The following CD207 variants were observed in gnomAD, a reference collection of about 807,000 sequenced individuals.
CD207 encodes the protein CD207 molecule.
Under a neutral mutation model 31.6 loss-of-function variants are expected in CD207, and 28 were observed. The observed-to-expected ratio is 0.89, with a 90% CI of 0.66 to 1.21. The LOEUF is 1.21. Ranked by LOEUF, CD207 falls within the 50% of genes most tolerant of loss-of-function variation. The probability of loss-of-function intolerance (pLI) is 0.00; values close to 1 mark genes in which losing one functional copy is unlikely to be tolerated. For synonymous variants in CD207, 168 were observed against 153.9 expected, an observed-to-expected ratio of 1.09 and a Z score of -0.68; for missense variants, 388 against 397.8, an observed-to-expected ratio of 0.98 and a Z score of 0.21.
At chr2:70,833,566 G>C in intron 3 of CD207, 80 bp downstream of exon 3, 1 of 1,439,878 alleles carries the variant, frequency 6.9e-7, no homozygotes, top group Non-Finnish European at 9.2e-7. Flanking sequence ...CAACCCACCA[G>C]CCCAATGGCC....
chr2:70,834,322 T>A (rs1301396930), intron 2 of CD207, among the ~76,000 whole-genome samples: 1 of 151,914 alleles, frequency 6.6e-6, no homozygotes, highest in Non-Finnish European at 1.5e-5. Context: ...ATTCCTGAAT[T>A]TTCTGAGTGT....
In CD207 at chr2:70,833,868, T is replaced by G. The variant is rs1553400373; in HGVS notation, c.343A>C (p.Ser115Arg). 1.9e-6 allele frequency: 3 copies of G among 1,613,468 alleles called. No individual in the cohort carries two copies. In the Admixed American group the frequency reaches 5.0e-5, roughly 27 times the overall value. Residue 115 changes from serine to arginine, a missense_variant, in exon 3 of 6, where the codon AGC (serine) becomes CGC (arginine). Physicochemically the swap from Ser to Arg is moderately radical, Grantham distance 110 (BLOSUM62 -1). Transcript: ENST00000410009. The stretch of plus-strand genomic sequence containing the variant: ...AACTGAGAACGCACATAACCCAGGC[T>G]CTCATTCACCATCTGGATCTGAACG... Reference protein sequence around the residue: ...AGVQIQMVNESLGYVRSQFLK... With the variant: ...AGVQIQMVNERLGYVRSQFLK...
chr2:70,827,632 G>A (rs1553399048), downstream of CD207, among the ~76,000 whole-genome samples: 2 of 150,746 alleles, frequency 1.3e-5, no homozygotes, highest in South Asian at 2.1e-4. Flanking sequence ...AACTACACAC[G>A]TGTGTGCGCG....
chr2:70,835,320 C>T (rs942302072), intron 2 of CD207, among the ~76,000 whole-genome samples, 171 bp downstream of exon 2: 3 of 152,020 alleles, frequency 2.0e-5, no homozygotes, highest in Non-Finnish European at 2.9e-5. Context: ...ATCAGCTCAC[C>T]GTACTGGGGG....
downstream of CD207, among the ~76,000 whole-genome samples, chr2:70,829,950 T>G (rs1544651): frequency 0.7 from 106,538 of 152,042 alleles, 37,422 homozygotes; most frequent in Middle Eastern, 0.76. Flanking sequence ...AATTGAGCTA[T>G]AGACTAGAAG....
chr2:70,832,789 A>C (rs1677506444), intron 4 of CD207, 111 bp downstream of exon 4: 16 of 1,084,110 alleles, frequency 1.5e-5, no homozygotes, highest in African/African-American at 3.2e-5. Flanking sequence ...ATCCTTCTTC[A>C]TTAGGTCATC....
At chr2:70,834,991 C>A (rs1303145853) in intron 2 of CD207, among the ~76,000 whole-genome samples, 1 of 152,212 alleles carries the variant, frequency 6.6e-6, no homozygotes, top group East Asian at 1.9e-4. Flanking sequence ...GAAGACAGCA[C>A]CAACGAGTCC....
intron 5 of CD207, 132 bp from the exon 6 acceptor site, chr2:70,831,332 G>A (rs1314604290): frequency 1.1e-6 from 1 of 893,448 alleles, no homozygotes; most frequent in East Asian, 2.6e-5. Flanking sequence ...CTGCACCCAA[G>A]CCTCAGAGGA....
chr2:70,832,797 A>G (rs1049152149), intron 4 of CD207, 103 bp downstream of exon 4: 2 of 1,145,192 alleles, frequency 1.7e-6, no homozygotes, highest in East Asian at 4.8e-5. Flanking sequence ...TCATTAGGTC[A>G]TCAATATTTG....
In CD207 at chr2:70,835,526, A is replaced by G; in HGVS notation, c.155T>C (p.Val52Ala). ...CTGCAGCAGGACGGAGGCGACCAGG[A>G]CCAGCGTCAGGCAGATTAATGCAGC... ...VRAALICLTL[V>A]LVASVLLQAV... is the part of the protein sequence containing the mutation. Residue 52 changes from valine (V) to alanine (A), a missense_variant, in exon 2 of 6, where the codon GTC becomes GCC. Physicochemically the swap from Val to Ala is moderately conservative, Grantham distance 64. Coordinates refer to ENST00000410009, the MANE Select transcript of CD207 (RefSeq NM_015717.5). The G allele has an allele frequency of 1.2e-6, 2 of 1,613,870 alleles. No homozygotes were observed. Among genetic ancestry groups the G allele is most frequent in the Non-Finnish European group, 1.7e-6 (2 of 1,179,862 alleles).
chr2:70,834,053 G>A (rs1429589175), intron 2 of CD207, 33 bp from the exon 3 acceptor site: 11 of 1,487,162 alleles, frequency 7.4e-6, no homozygotes, highest in Non-Finnish European at 8.9e-6. Context: ...GTCAGCTGAG[G>A]GGAGTCCCAG....
chr2:70,833,128 G>GA (rs1272450401), intron 3 of CD207, 77 bp from the exon 4 acceptor site: 13 of 1,401,172 alleles, frequency 9.3e-6, no homozygotes, highest in Non-Finnish European at 1.3e-5. Context: ...GCACTTGAAT[G>GA]AGGTCTCAGA....
the CD207 span, among the ~76,000 whole-genome samples, chr2:70,824,633 A>AAAAAAAAAAC: frequency 6.7e-6 from 1 of 149,552 alleles, no homozygotes; most frequent in Non-Finnish European, 1.5e-5. Flanking sequence ...AAAAAAAAAA[A>AAAAAAAAAAC]AAAAAAAAAA....
chr2:70,833,854 C>T lies in CD207; in HGVS notation c.357G>A (p.Val119=). The T allele has an allele frequency of 6.2e-7, 1 of 1,613,934 alleles. No homozygotes were observed. The change falls in exon 3 of 6, where the codon GTG becomes GTA. Residue 119 remains valine (V), a synonymous_variant. Transcript: ENST00000410009. ...TTTTTAACTTCAGGAACTGAGAACGCACATAACCCAGGCTCTCATTCACCA... is the reference window on the plus strand; with the variant it reads ...TTTTTAACTTCAGGAACTGAGAACGTACATAACCCAGGCTCTCATTCACCA... The part of the protein sequence containing the change: ...IQMVNESLGY[V]RSQFLKLKTS...
chr2:70,831,251 A>T (rs868961982), intron 5 of CD207, 51 bp from the exon 6 acceptor site: 1 of 1,562,604 alleles, frequency 6.4e-7, no homozygotes, highest in Non-Finnish European at 8.7e-7. Flanking sequence ...AATCAAAAAG[A>T]ACTTATTTCC....
At position 70,833,794 on chromosome 2, in the gene CD207, G is replaced by A. The variant is rs1286471770; in HGVS notation, c.417C>T (p.Ile139=). 1.9e-5 allele frequency: 31 copies of A among 1,613,880 alleles called. No homozygotes were observed. The highest frequency in any genetic ancestry group is 2.6e-5 in the Non-Finnish European group (31 of 1,179,896). ...SVEKANAQIQ[I]LTRSWEEVST... ...TGACTTCTTCCCAACTTCTTGTTAA[G>A]ATCTGGATCTGTGCGTTGGCCTTCT... is the stretch of plus-strand genomic sequence containing the variant. The change falls in exon 3 of 6, where the codon ATC becomes ATT. Residue 139 remains isoleucine, a synonymous_variant. Coordinates refer to ENST00000410009, the MANE Select transcript of CD207 (RefSeq NM_015717.5).
At position 70,832,925 on chromosome 2, in the gene CD207, G is replaced by T. The variant is rs782247148; in HGVS notation, c.692C>A (p.Thr231Asn). Residue 231 changes from threonine (T) to asparagine (N), a missense_variant, in exon 4 of 6, where the codon ACC (threonine) becomes AAC (asparagine). Physicochemically the swap from Thr to Asn is moderately conservative, Grantham distance 65 (BLOSUM62 0). Coordinates refer to ENST00000410009, the MANE Select transcript of CD207 (RefSeq NM_015717.5). ...CTGCTCACTCTCTGAGGTCACCGAG[G>T]TCAGGTGTGAATTCCTGGACACACA... is the stretch of plus-strand genomic sequence containing the variant. The part of the protein sequence containing the change: ...QFCVSRNSHL[T>N]SVTSESEQEF... The T allele has an allele frequency of 2.5e-6, 4 of 1,613,810 alleles. No homozygotes were observed. The African/African-American group carries it at 5.3e-5, about 22-fold the overall frequency.
At chr2:70,835,322 T>C (rs1166794839) in intron 2 of CD207, among the ~76,000 whole-genome samples, 169 bp downstream of exon 2, 1 of 151,856 alleles carries the variant, frequency 6.6e-6, no homozygotes, top group African/African-American at 2.4e-5. Flanking sequence ...CAGCTCACCG[T>C]ACTGGGGGCA....
Position 70,834,001 on chromosome 2 carries a change from G to A in CD207, c.210C>T (p.Thr70=), listed in dbSNP as rs1677545443. ...QAVLYPRFMG[T]ISDVKTNVQL... ...GGACATTGGTCTTTACATCTGATAT[G>A]GTGCCCATAAACCGGGGATCTGGGA... The change falls in exon 3 of 6, where the codon ACC becomes ACT. Residue 70 remains threonine, a synonymous_variant. Coordinates refer to ENST00000410009, the MANE Select transcript of CD207 (RefSeq NM_015717.5). 2.0e-6 allele frequency: 3 copies of A among 1,512,206 alleles called. No homozygotes were observed. Among genetic ancestry groups the A allele is most frequent in the African/African-American group, 2.8e-5 (2 of 71,810 alleles). The allele number at this position is 1,512,206 out of a possible 1,614,324, so 93.7% of individuals were successfully genotyped here.
Sources: gnomAD v4.1 joint callset for allele counts (sites outside exome capture counted in the v4.1 genomes callset) on GRCh38, gnomAD v4.1.1 for gene constraint, MANE v1.5 for transcripts, NCBI Gene and HGNC (gene_info 2026-07-23, HGNC 2026-07-21) for gene names.